The following SEMA5A variants were observed in gnomAD, a reference collection of about 807,000 sequenced individuals.
The protein encoded by SEMA5A is semaphorin 5A.
A neutral mutation model predicts 135.5 loss-of-function variants in SEMA5A; 55 were observed. The observed-to-expected ratio is 0.41, with a 90% CI of 0.33 to 0.51. The LOEUF is 0.51. Among genes scored for constraint, SEMA5A ranks in the 20% least tolerant of loss-of-function variants. The probability of loss-of-function intolerance (pLI) is 0.37; values close to 1 mark genes in which losing one functional copy is unlikely to be tolerated. For synonymous variants in SEMA5A, 580 were observed against 546.5 expected, an observed-to-expected ratio of 1.06 and a Z score of -0.85; for missense variants, 1,290 against 1,419.9, an observed-to-expected ratio of 0.91 and a Z score of 1.47.
intron 3 of SEMA5A, among the ~76,000 whole-genome samples, chr5:9,366,776 T>G (rs1754936286): frequency 6.6e-6 from 1 of 152,236 alleles, no homozygotes; most frequent in African/African-American, 2.4e-5. Flanking sequence ...AAATGTCCCT[T>G]ATGTTCCCTT....
At chr5:9,114,001 A>G (rs1372330071) in intron 15 of SEMA5A, among the ~76,000 whole-genome samples, 1 of 152,252 alleles carries the variant, frequency 6.6e-6, no homozygotes, top group Non-Finnish European at 1.5e-5. Flanking sequence ...CTCATATGCC[A>G]ATATTCAGTA....
At chr5:9,451,110 G>T (rs1017715948) in intron 1 of SEMA5A, among the ~76,000 whole-genome samples, 1 of 152,114 alleles carries the variant, frequency 6.6e-6, no homozygotes, top group African/African-American at 2.4e-5. Flanking sequence ...CAGACTCAAG[G>T]GTTCAACTAA....
chr5:9,310,239 G>A (rs1752064869), intron 5 of SEMA5A, among the ~76,000 whole-genome samples: 3 of 151,886 alleles, frequency 2.0e-5, no homozygotes, highest in Admixed American at 6.6e-5. Context: ...AGCCATAGAT[G>A]TTATGTTAAA....
At position 9,545,894 on chromosome 5, in the gene SEMA5A, C is replaced by T. The variant is rs62342600; in HGVS notation, c.-485G>A. 0.19 allele frequency: 29,470 copies of T among 152,278 alleles called. 2,981 individuals carry two copies. The highest frequency in any genetic ancestry group is 0.21 in the Non-Finnish European group (14,565 of 68,118). 9.4% of individuals were successfully genotyped at this position (152,278 alleles called of 1,614,324 possible). A position where few individuals can be genotyped will look rare whatever the true frequency, so the allele number is the denominator to read the frequency against. ...GGCAGTCCTGGGTGGGAGAAGGGAG[C>T]GTCCCGGGATGAGCGACACTGGCCG... On this transcript the variant is annotated 5_prime_UTR_variant, in exon 1 of 23. Transcript: ENST00000382496. The surrounding 1 kb of genome is among the most constrained non-coding windows in gnomAD (Gnocchi z 4.5).
chr5:9,390,736 T>A (rs1198703632), intron 2 of SEMA5A, among the ~76,000 whole-genome samples: 1 of 150,654 alleles, frequency 6.6e-6, no homozygotes, highest in Non-Finnish European at 1.5e-5. Flanking sequence ...GGTGAGTATA[T>A]TAAAAATAAA....
At chr5:9,190,628 C>T (rs1745056312) in intron 10 of SEMA5A, among the ~76,000 whole-genome samples, 157 bp from the exon 11 acceptor site, 1 of 152,088 alleles carries the variant, frequency 6.6e-6, no homozygotes, top group South Asian at 2.1e-4. Flanking sequence ...TCCCTGCAGC[C>T]CCTATCCTTA....
intron 6 of SEMA5A, among the ~76,000 whole-genome samples, chr5:9,237,026 C>G (rs1042172892): frequency 6.6e-6 from 1 of 152,172 alleles, no homozygotes; most frequent in Non-Finnish European, 1.5e-5. Context: ...GTCCTAGGAC[C>G]AACTTTGCAT....
At chr5:9,133,100 C>G (rs1741526969) in intron 13 of SEMA5A, among the ~76,000 whole-genome samples, 1 of 152,148 alleles carries the variant, frequency 6.6e-6, no homozygotes, top group South Asian at 2.1e-4. Context: ...CAACCAGTGG[C>G]ATATCAGAAA....
rs184856225 is a variant in SEMA5A, at chr5:9,493,365, T to C, written c.-175+52219A>G. 4.5e-3 allele frequency among the ~76,000 whole-genome samples: 682 copies of C among 151,728 alleles called. 7 individuals carry two copies. Among genetic ancestry groups the C allele is most frequent in the Admixed American group, 5.6e-3 (85 of 15,200 alleles). ...TCATATTAATGTTTATTCAAAAGGT[T>C]GTACAATCCTACACTTATACATTTT... On this transcript the variant is annotated intron_variant, in intron 1 of 22. Coordinates refer to ENST00000382496, the MANE Select transcript of SEMA5A (RefSeq NM_003966.3).
rs138609017 is a variant in SEMA5A at position 9,248,657 on chromosome 5, G to T, written c.271-10767C>A. The stretch of plus-strand genomic sequence containing the variant: ...ATTCAGGGAGCATCTCAACATCACT[G>T]AAAACATTCTCATATGAAGCAGGCA... On this transcript the variant is annotated intron_variant, in intron 5 of 22. Transcript: ENST00000382496. 5.7e-3 allele frequency among the ~76,000 whole-genome samples: 868 copies of T among 152,188 alleles called. 8 individuals are homozygous for T. Among genetic ancestry groups the T allele is most frequent in the Non-Finnish European group, 0.01 (681 of 67,996 alleles).
intron 6 of SEMA5A, among the ~76,000 whole-genome samples, chr5:9,236,234 C>A (rs1421519925): frequency 3.3e-5 from 5 of 152,172 alleles, no homozygotes; most frequent in Non-Finnish European, 7.3e-5. Flanking sequence ...GCATTGATAT[C>A]CCCAGGCAAG....
rs192634826 is a variant in SEMA5A at position 9,290,299 on chromosome 5, T to C, written c.270+28073A>G. ...CACTCCCATTATGAGTGAGAACATA[T>C]GATGTTTGGTTTTCCATTCCTGAGT... On this transcript the variant is annotated intron_variant, in intron 5 of 22. Transcript: ENST00000382496. Among the ~76,000 whole-genome samples the C allele has an allele frequency of 4.1e-4, 63 of 152,294 alleles. No homozygotes were observed. In the East Asian group the frequency reaches 0.012, roughly 28 times the overall value.
intron 10 of SEMA5A, among the ~76,000 whole-genome samples, chr5:9,195,158 C>T (rs1278276475): frequency 6.6e-6 from 1 of 152,122 alleles, no homozygotes; most frequent in Non-Finnish European, 1.5e-5. Context: ...ATGTAGAAGG[C>T]ACCAAATAAA....
chr5:9,210,730 C>T (rs1746301938), intron 8 of SEMA5A, among the ~76,000 whole-genome samples: 1 of 152,164 alleles, frequency 6.6e-6, no homozygotes, highest in African/African-American at 2.4e-5. Flanking sequence ...GCAAGTCCCT[C>T]TGAGCCCCAT....
At chr5:9,256,677 G>C (rs1749087578) in intron 5 of SEMA5A, among the ~76,000 whole-genome samples, 1 of 152,114 alleles carries the variant, frequency 6.6e-6, no homozygotes, top group Non-Finnish European at 1.5e-5. Flanking sequence ...TCCTTCCCTT[G>C]GTTCAACACT....
At chr5:9,169,035 A>C (rs1044204117) in intron 11 of SEMA5A, among the ~76,000 whole-genome samples, 5 of 152,186 alleles carry the variant, frequency 3.3e-5, no homozygotes, top group African/African-American at 1.2e-4. Flanking sequence ...GAAGTATTTG[A>C]GTTAGAAAAG....
intron 5 of SEMA5A, among the ~76,000 whole-genome samples, chr5:9,244,968 G>T (rs1206316534): frequency 6.6e-6 from 1 of 152,200 alleles, no homozygotes; most frequent in African/African-American, 2.4e-5. Context: ...TACTTTTTCA[G>T]CAGTAGACAA....
Position 9,217,539 on chromosome 5 carries a change from C to A in SEMA5A, c.646+7135G>T, listed in dbSNP as rs555695072. On this transcript the variant is annotated intron_variant, in intron 8 of 22. Coordinates refer to ENST00000382496, the MANE Select transcript of SEMA5A (RefSeq NM_003966.3). ...TTCCTAAATTTGACTTTTGGCCTCT[C>A]TAGCAAAGTTGGGGAAGTTTTCATG... Among the ~76,000 whole-genome samples the A allele has an allele frequency of 4.6e-5, 7 of 152,310 alleles. No individual in the cohort carries two copies. The East Asian group carries it at 9.6e-4, about 21-fold the overall frequency.
chr5:9,217,931 CT>C (rs984409802), intron 8 of SEMA5A, among the ~76,000 whole-genome samples: 3 of 152,158 alleles, frequency 2.0e-5, no homozygotes, highest in Non-Finnish European at 4.4e-5. Context: ...TTGCATTTTG[CT>C]GTCCTTCTAA....
Sources: allele counts gnomAD v4.1 joint callset (sites outside exome capture counted in the v4.1 genomes callset), GRCh38; gene constraint gnomAD v4.1.1; non-coding constraint Gnocchi (gnomAD v3.1); transcripts MANE v1.5; gene names NCBI Gene and HGNC (gene_info 2026-07-23, HGNC 2026-07-21).